The following EPB41L3 variants were observed in gnomAD, a reference collection of about 807,000 sequenced individuals.
The protein encoded by EPB41L3 is erythrocyte membrane protein band 4.1 like 3.
EPB41L3 carries 57 observed loss-of-function variants against 127.1 expected under a neutral mutation model. The observed-to-expected ratio is 0.45, with a 90% CI of 0.36 to 0.56. The LOEUF (loss-of-function observed/expected upper bound fraction) is 0.56. EPB41L3 is among the 20% of genes least tolerant of loss of function. The pLI is 0.00. For missense variants in EPB41L3, 1,273 were observed against 1,372.2 expected (o/e 0.93, Z 1.14); for synonymous variants, 572 against 549.5 (o/e 1.04, Z -0.57).
intron 1 of EPB41L3, among the ~76,000 whole-genome samples, chr18:5,525,674 T>C (rs2093195078): frequency 6.6e-6 from 1 of 152,204 alleles, no homozygotes; most frequent in Non-Finnish European, 1.5e-5. Context: ...TTATAATACA[T>C]ATGCATAGTT....
chr18:5,490,060 C>A (rs539546266), intron 1 of EPB41L3, among the ~76,000 whole-genome samples: 30 of 152,318 alleles, frequency 2.0e-4, no homozygotes, highest in Non-Finnish European at 3.4e-4. Flanking sequence ...GGACACTGAA[C>A]GTGATAATAC....
At chr18:5,441,133 C>T (rs1473906871) in intron 5 of EPB41L3, among the ~76,000 whole-genome samples, 4 of 152,188 alleles carry the variant, frequency 2.6e-5, no homozygotes, top group African/African-American at 4.8e-5. Flanking sequence ...TTCAAGTGGT[C>T]CTCCTGTCTT....
upstream of EPB41L3, among the ~76,000 whole-genome samples, chr18:5,546,536 T>A (rs2149112896): frequency 6.6e-6 from 1 of 152,124 alleles, no homozygotes; most frequent in African/African-American, 2.4e-5. Context: ...CTCAAAAAAC[T>A]ACAACAACAA....
intron 6 of EPB41L3, among the ~76,000 whole-genome samples, chr18:5,435,213 T>C (rs2079585313): frequency 6.6e-6 from 1 of 152,176 alleles, no homozygotes. Context: ...AAAATTACAG[T>C]AAGCTAAGGT....
chr18:5,453,290 G>C (rs1274252135), intron 3 of EPB41L3, among the ~76,000 whole-genome samples: 2 of 152,136 alleles, frequency 1.3e-5, no homozygotes, highest in African/African-American at 2.4e-5. Flanking sequence ...GGAAGACAGG[G>C]TACAGTTATC....
At chr18:5,544,186 A>G, upstream of EPB41L3, 1 of 985,488 alleles carries the variant, frequency 1.0e-6, no homozygotes, top group Non-Finnish European at 1.2e-6. Flanking sequence ...ACTTCAGGAC[A>G]GTTACATGGG....
In EPB41L3 at chr18:5,397,324, C is replaced by G. The variant is rs8096452; in HGVS notation, c.2575G>C (p.Glu859Gln). ...EKVVQETVLV[E>Q]ERRVVHASGD... ...CTCGCGTGCACCACACGCCGCTCCT[C>G]CACCAACACGGTCTCCTGCACCACC... Residue 859 changes from glutamate to glutamine, a missense_variant, in exon 18 of 23, where the codon GAG becomes CAG. Coordinates refer to ENST00000341928, the MANE Select transcript of EPB41L3 (RefSeq NM_012307.5). This position sits in a 1 kb window ranked among gnomAD's most constrained non-coding sequence, Gnocchi z 4.1. The G allele has an allele frequency of 1.4e-3, 2,248 of 1,614,070 alleles. 29 individuals are homozygous for G. In the African/African-American group the frequency reaches 0.026, roughly 18 times the overall value.
chr18:5,421,788 G>C (rs1047589895), intron 11 of EPB41L3, among the ~76,000 whole-genome samples: 3 of 152,100 alleles, frequency 2.0e-5, no homozygotes, highest in Non-Finnish European at 4.4e-5. Flanking sequence ...AAGGCACAGA[G>C]TAATATAATG....
At chr18:5,417,206 G>A (rs2076933469) in intron 12 of EPB41L3, among the ~76,000 whole-genome samples, 1 of 152,110 alleles carries the variant, frequency 6.6e-6, no homozygotes, top group African/African-American at 2.4e-5. Flanking sequence ...TAATTTCCCA[G>A]CCTTCTGATT....
intron 3 of EPB41L3, among the ~76,000 whole-genome samples, chr18:5,563,570 G>C (rs530575837): frequency 6.6e-6 from 1 of 152,166 alleles, no homozygotes; most frequent in African/African-American, 2.4e-5. Context: ...GACAGGACTT[G>C]ACGTCCCATT....
intron 3 of EPB41L3, among the ~76,000 whole-genome samples, chr18:5,470,297 C>T (rs554578090): frequency 2.3e-4 from 35 of 152,296 alleles, no homozygotes; most frequent in African/African-American, 8.4e-4. Context: ...CACATAAGCT[C>T]AAGCCTTTGG....
At chr18:5,613,368 T>C (rs1357491673) in intron 2 of EPB41L3, among the ~76,000 whole-genome samples, 1 of 152,248 alleles carries the variant, frequency 6.6e-6, no homozygotes, top group Non-Finnish European at 1.5e-5. Flanking sequence ...AACTGTTGCC[T>C]GCCTCTTGGC....
intron 12 of EPB41L3, among the ~76,000 whole-genome samples, chr18:5,419,192 C>T (rs2077176582): frequency 6.6e-6 from 1 of 152,184 alleles, no homozygotes; most frequent in African/African-American, 2.4e-5. Context: ...CCTGTTGCAA[C>T]TTTCTGCCTT....
At position 5,423,476 on chromosome 18, in the gene EPB41L3, G is replaced by A. The variant is rs765059108; in HGVS notation, c.1241C>T (p.Ala414Val). ...SKFRYSGRTQ[A>V]QTRRASALID... ...CAACGCACTGGCTCTTCTCGTTTGC[G>A]CTTGTGTCCTGCCACTATAACGAAA... The change falls in exon 11 of 23, where the codon GCG (alanine) becomes GTG (valine). Residue 414 changes from alanine to valine, a missense_variant. Around this residue, in one of 3 missense-constraint regions of EPB41L3, gnomAD observed 326 missense variants for 440.2 expected, o/e 0.74. Transcript: ENST00000341928. 1.7e-5 allele frequency: 28 copies of A among 1,613,932 alleles called. No individual in the cohort carries two copies. Among genetic ancestry groups the A allele is most frequent in the African/African-American group, 1.2e-4 (9 of 75,016 alleles).
chr18:5,417,801 C>T (rs4797210), intron 12 of EPB41L3, among the ~76,000 whole-genome samples: 7,929 of 152,144 alleles, frequency 0.052, 374 homozygotes, highest in African/African-American at 0.12. Flanking sequence ...ACATTAAAGA[C>T]GGCACTTTAA....
chr18:5,452,953 C>T (rs1415723015), intron 3 of EPB41L3, among the ~76,000 whole-genome samples: 1 of 152,132 alleles, frequency 6.6e-6, no homozygotes, highest in Admixed American at 6.5e-5. Context: ...TCACATCTTC[C>T]CTAGCAGGTG....
At chr18:5,409,606 T>C (rs2075938639) in intron 14 of EPB41L3, among the ~76,000 whole-genome samples, 2 of 151,974 alleles carry the variant, frequency 1.3e-5, no homozygotes, top group African/African-American at 4.8e-5. Flanking sequence ...TCGCAAAAGA[T>C]TTTTTCTGAA....
chr18:5,578,764 A>C (rs1349208190), intron 3 of EPB41L3, among the ~76,000 whole-genome samples: 1 of 152,204 alleles, frequency 6.6e-6, no homozygotes, highest in East Asian at 1.9e-4. Flanking sequence ...AAAATGAAAA[A>C]GTCTCACAAT....
chr18:5,454,298 G>A (rs1366534927), intron 3 of EPB41L3, among the ~76,000 whole-genome samples: 1 of 151,342 alleles, frequency 6.6e-6, no homozygotes, highest in African/African-American at 2.4e-5. Context: ...GTCTGGTCTG[G>A]GACAACAGAG....
Sources: gnomAD v4.1 joint callset for allele counts (sites outside exome capture counted in the v4.1 genomes callset) on GRCh38, gnomAD v4.1.1 for gene constraint, gnomAD v4.1.1 regional missense constraint, Gnocchi (gnomAD v3.1) non-coding constraint, MANE v1.5 for transcripts, NCBI Gene and HGNC (gene_info 2026-07-23, HGNC 2026-07-21) for gene names.